Variants in MID1 observed in about 807,000 individuals in gnomAD.
MID1 encodes the protein midline 1, also known as E3 ubiquitin-protein ligase Midline-1.
MID1 carries 7 observed loss-of-function variants against 40.4 expected under a neutral mutation model. The ratio of observed to expected loss-of-function variants is 0.17; its 90% confidence interval spans 0.10 to 0.33. The LOEUF (loss-of-function observed/expected upper bound fraction) is 0.33, where lower values mean the gene tolerates loss of function less well. MID1 is among the 10% of genes least tolerant of loss of function. The pLI, the probability that MID1 is intolerant of heterozygous loss-of-function variation, is 1.00. For missense variants in MID1, 367 were observed against 558.5 expected, an observed-to-expected ratio of 0.66 and a Z score of 3.46; for synonymous variants, 229 against 221.2, an observed-to-expected ratio of 1.04 and a Z score of -0.31.
intron 2 of MID1, among the ~76,000 whole-genome samples, chrX:10,529,329 A>G (rs1409176467): frequency 8.9e-6 from 1 of 111,956 alleles, no homozygotes; most frequent in East Asian, 2.8e-4. Flanking sequence ...AGCTACAAGA[A>G]TATATTTCCC....
chrX:10,774,736 T>C (rs773246461), intron 1 of MID1, among the ~76,000 whole-genome samples: 1 of 111,431 alleles, frequency 9.0e-6, no homozygotes, highest in Non-Finnish European at 1.9e-5. Flanking sequence ...CTAAAATTAA[T>C]GTACCTTGAA....
At chrX:10,682,082 G>T (rs1433602395) in intron 1 of MID1, among the ~76,000 whole-genome samples, 1 of 110,866 alleles carries the variant, frequency 9.0e-6, no homozygotes, top group East Asian at 2.8e-4. Context: ...GAAATGGGAG[G>T]ATCGCTTGAG....
At chrX:10,786,145 A>C (rs1360273552) in intron 1 of MID1, among the ~76,000 whole-genome samples, 6 of 112,073 alleles carry the variant, frequency 5.4e-5, no homozygotes, top group South Asian at 3.7e-4. Flanking sequence ...ACCCCATCAA[A>C]AAGTGGGTGA....
intron 1 of MID1, among the ~76,000 whole-genome samples, chrX:10,807,827 A>G (rs2044058402): frequency 8.9e-6 from 1 of 111,952 alleles, no homozygotes; most frequent in African/African-American, 3.3e-5. Context: ...ACTACCTCAT[A>G]ACATTCAAAG....
chrX:10,662,790 T>C (rs1344360375), intron 1 of MID1, among the ~76,000 whole-genome samples: 2 of 110,956 alleles, frequency 1.8e-5, no homozygotes, highest in Admixed American at 9.6e-5. Context: ...ACTGAGAAAA[T>C]GGGCAGCTAA....
At chrX:10,575,630 C>T (rs112657259) in intron 1 of MID1, among the ~76,000 whole-genome samples, 11,517 of 110,658 alleles carry the variant, frequency 0.1, 1,040 homozygotes, top group African/African-American at 0.29. Context: ...TACTGATTAG[C>T]ACTCTGGCCA....
intron 2 of MID1, among the ~76,000 whole-genome samples, chrX:10,542,386 A>C (rs965686221): frequency 2.7e-5 from 3 of 111,891 alleles, no homozygotes; most frequent in African/African-American, 6.5e-5. Context: ...CTTTAAAAAA[A>C]ACTTATAGTT....
chrX:10,790,968 T>C (rs1863678497), intron 1 of MID1, among the ~76,000 whole-genome samples: 1 of 112,539 alleles, frequency 8.9e-6, no homozygotes, highest in Non-Finnish European at 1.9e-5. Context: ...ACAGGGAACA[T>C]AGTTGTTTTG....
chrX:10,505,457 T>C (rs765687802), intron 3 of MID1: 32 of 752,668 alleles, frequency 4.3e-5, no homozygotes, highest in Non-Finnish European at 4.7e-5. Flanking sequence ...TCTTATTAAT[T>C]ACACACTTTA....
chrX:10,581,228 G>C (rs1006578406), intron 1 of MID1, among the ~76,000 whole-genome samples: 1 of 111,366 alleles, frequency 9.0e-6, no homozygotes, highest in African/African-American at 3.3e-5. Flanking sequence ...CAGCCTGGGT[G>C]ATAGAGTAAA....
At chrX:10,643,357 T>C (rs1936224396) in intron 1 of MID1, among the ~76,000 whole-genome samples, 1 of 111,564 alleles carries the variant, frequency 9.0e-6, no homozygotes, top group African/African-American at 3.3e-5. Context: ...GGGCAAAGGA[T>C]ATGAACAGAC....
intron 1 of MID1, among the ~76,000 whole-genome samples, chrX:10,631,660 C>A (rs891351816): frequency 7.1e-5 from 8 of 112,335 alleles, no homozygotes; most frequent in Middle Eastern, 4.6e-3. Context: ...CAGTTTCCAT[C>A]GTGCATTGCT....
chrX:10,589,245 G>A lies in MID1; in HGVS notation c.-56-21642C>T, dbSNP rs567749843. Among the ~76,000 whole-genome samples, 82 of 111,873 alleles carry A rather than the reference G, an allele frequency of 7.3e-4. 1 individual carries two copies. In the South Asian group the frequency reaches 0.028, roughly 39 times the overall value. ...TCAAGTCAAAAACAAAAACCAAAGT[G>A]CCGGTACTGCCACACCGTGGGTGAT... On this transcript the variant is annotated intron_variant, in intron 1 of 9. Coordinates refer to ENST00000317552, the MANE Select transcript of MID1 (RefSeq NM_000381.4).
intron 1 of MID1, among the ~76,000 whole-genome samples, chrX:10,583,857 C>T (rs1365062691): frequency 9.1e-6 from 1 of 110,261 alleles, no homozygotes; most frequent in Non-Finnish European, 1.9e-5. Flanking sequence ...ATGGTGAAAC[C>T]CCGTCTCTAC....
At chrX:10,451,747 TG>T (rs920124354) in intron 9 of MID1, among the ~76,000 whole-genome samples, 19 of 111,558 alleles carry the variant, frequency 1.7e-4, no homozygotes, top group Admixed American at 6.7e-4. Context: ...GCTCTCTTTT[TG>T]CCTGCTGCCA....
intron 5 of MID1, among the ~76,000 whole-genome samples, chrX:10,482,062 A>G (rs1329361037): frequency 1.8e-5 from 2 of 111,491 alleles, no homozygotes; most frequent in Non-Finnish European, 3.8e-5. Flanking sequence ...TGTGATTTTA[A>G]AAAAAAATAG....
intron 1 of MID1, among the ~76,000 whole-genome samples, chrX:10,615,585 C>T (rs1488575651): frequency 9.0e-6 from 1 of 111,262 alleles, no homozygotes; most frequent in African/African-American, 3.3e-5. Flanking sequence ...CAGGAAAGTC[C>T]CCTCTTGGCA....
intron 1 of MID1, among the ~76,000 whole-genome samples, chrX:10,574,490 T>C (rs1934820725): frequency 8.9e-6 from 1 of 112,176 alleles, no homozygotes; most frequent in African/African-American, 3.2e-5. Context: ...AGGTTTGTGC[T>C]AACTTGTTAC....
intron 4 of MID1, among the ~76,000 whole-genome samples, chrX:10,492,557 A>G (rs1429967887): frequency 8.9e-6 from 1 of 112,129 alleles, no homozygotes; most frequent in Non-Finnish European, 1.9e-5. Context: ...GTTGGCAATA[A>G]TTTTTGACTG....
Sources: gnomAD v4.1 joint callset for allele counts (sites outside exome capture counted in the v4.1 genomes callset) on GRCh38, gnomAD v4.1.1 for gene constraint, MANE v1.5 for transcripts, NCBI Gene and HGNC (gene_info 2026-07-23, HGNC 2026-07-21) for gene names.